Variants in SCRN2 observed in about 807,000 individuals in gnomAD.
The protein encoded by SCRN2 is secernin-2.
Under a neutral mutation model 40.1 loss-of-function variants are expected in SCRN2, and 30 were observed. That is an observed-to-expected ratio of 0.75 (90% CI 0.56 to 1.01). The LOEUF (loss-of-function observed/expected upper bound fraction) is 1.01, where lower values mean the gene tolerates loss of function less well. Among genes scored for constraint, SCRN2 ranks in the 50% least tolerant of loss-of-function variants. The pLI is 0.00. For synonymous variants in SCRN2, 240 were observed against 233.5 expected, an observed-to-expected ratio of 1.03 and a Z score of -0.25; for missense variants, 526 against 564.9, an observed-to-expected ratio of 0.93 and a Z score of 0.70.
intron 3 of SCRN2, chr17:47,839,849 A>G: frequency 1.6e-6 from 1 of 616,738 alleles, no homozygotes; most frequent in Non-Finnish European, 2.8e-6. Flanking sequence ...TGAGGGTTCC[A>G]TGAAAAGGCC....
intron 3 of SCRN2, 129 bp from the exon 4 acceptor site, chr17:47,839,772 GGCACTGATC>G: frequency 1.1e-6 from 1 of 889,810 alleles, no homozygotes. Context: ...CAAATCTGCT[GGCACTGATC>G]GTATCAAATG....
At chr17:47,839,782 G>T in intron 3 of SCRN2, 139 bp from the exon 4 acceptor site, 4 of 791,498 alleles carry the variant, frequency 5.1e-6, no homozygotes, top group Non-Finnish European at 6.2e-6. Context: ...GGCACTGATC[G>T]TATCAAATGC....
chr17:47,838,630 GAGTCCATAC>G lies in SCRN2; in HGVS notation c.830_838del (p.Cys277_Asp279del). 3 of 1,614,064 alleles carry G rather than the reference GAGTCCATAC, an allele frequency of 1.9e-6. No homozygotes were observed. Among genetic ancestry groups the G allele is most frequent in the Non-Finnish European group, 2.5e-6 (3 of 1,180,018 alleles). On this transcript the variant is annotated inframe_deletion, in exon 6 of 8. Transcript: ENST00000290216. ...GCTGGCCGTGGTGCGAAAGCCTCCC[GAGTCCATAC>G]AGATACCACTCTCCTTGTCTCTGAG...
At chr17:47,838,082 C>T (rs1598048309) in intron 7 of SCRN2, 80 bp from the exon 8 acceptor site, 1 of 1,563,172 alleles carries the variant, frequency 6.4e-7, no homozygotes, top group Admixed American at 2.1e-5. Context: ...TACCACCTCA[C>T]ACAAGCAGGA....
In SCRN2 at chr17:47,840,375, G is replaced by A; in HGVS notation, c.175-3C>T. 6.2e-7 allele frequency: 1 copy of A among 1,613,406 alleles called. No homozygotes were observed. Among genetic ancestry groups the A allele is most frequent in the South Asian group, 1.1e-5 (1 of 91,070 alleles). ...TGTTCCACTTCAATGTAGGTGCACT[G>A]GAGGTGAGGGAGGAGAAAGGAAGCG... On this transcript the variant is annotated splice_polypyrimidine_tract_variant and splice_region_variant and intron_variant, in intron 2 of 7. Transcript: ENST00000290216.
intron 2 of SCRN2, 104 bp downstream of exon 2, chr17:47,840,566 C>T: frequency 1.5e-6 from 2 of 1,350,212 alleles, no homozygotes; most frequent in South Asian, 3.0e-5. Flanking sequence ...TCATGCTCTT[C>T]CACTACTTCT....
In SCRN2 at chr17:47,838,773, C is replaced by T. The variant is rs746934691; in HGVS notation, c.772+18G>A. 3 of 1,612,100 alleles carry T rather than the reference C, an allele frequency of 1.9e-6. No individual in the cohort carries two copies. The highest frequency in any genetic ancestry group is 1.7e-6 in the Non-Finnish European group (2 of 1,179,634). ...CTGTGGCCCTCCTGGCCCCCAGCCC[C>T]CTCCACCGTTCACTAACCTTGCCGT... On this transcript the variant is annotated intron_variant, in intron 5 of 7. Coordinates refer to ENST00000290216, the MANE Select transcript of SCRN2 (RefSeq NM_138355.4).
At position 47,839,824 on chromosome 17, in the gene SCRN2, C is replaced by T. The variant is rs146096972; in HGVS notation, c.357-181G>A. 4.1e-4 allele frequency: 266 copies of T among 643,234 alleles called. 4 individuals carry two copies. The East Asian group carries it at 6.1e-3, about 15-fold the overall frequency. The allele number at this position is 643,234 out of a possible 1,614,324, so 39.8% of individuals were successfully genotyped here. ...GCCAGTGGCTTTCAATGCTCTGGTT[C>T]CATGTGCTATGCTTTGAGGGTTCCA... is the stretch of plus-strand genomic sequence containing the variant. On this transcript the variant is annotated intron_variant, in intron 3 of 7. Coordinates refer to ENST00000290216, the MANE Select transcript of SCRN2 (RefSeq NM_138355.4).
At position 47,838,590 on chromosome 17, in the gene SCRN2, C is replaced by T; in HGVS notation, c.879G>A (p.Leu293=). Residue 293 remains leucine, a synonymous_variant, in exon 6 of 8, where the codon CTG becomes CTA. Transcript: ENST00000290216. ...FRTTASMVSV[L]PQDPTQPCVH... Reference sequence around the variant, plus strand: ...CGCAGGGCTGCGTGGGATCCTGGGGCAGGACAGACACCATGCTGGCCGTGG... The same window carrying T: ...CGCAGGGCTGCGTGGGATCCTGGGGTAGGACAGACACCATGCTGGCCGTGG... The T allele has an allele frequency of 6.2e-7, 1 of 1,614,094 alleles. No individual in the cohort carries two copies. Among genetic ancestry groups the T allele is most frequent in the Non-Finnish European group, 8.5e-7 (1 of 1,180,016 alleles).
Position 47,838,665 on chromosome 17 carries a change from G to T in SCRN2, c.804C>A (p.Ile268=). 4.3e-6 allele frequency: 7 copies of T among 1,614,068 alleles called. No homozygotes were observed. The highest frequency in any genetic ancestry group is 5.9e-6 in the Non-Finnish European group (7 of 1,180,010). Residue 268 remains isoleucine, a synonymous_variant, in exon 6 of 8, where the codon ATC becomes ATA. Transcript: ENST00000290216. ...GGITAEVMMG[I]LRDKESGICM... The stretch of plus-strand genomic sequence containing the variant: ...AGATACCACTCTCCTTGTCTCTGAG[G>T]ATGCCCATCATCACCTCTGCCGTGA...
chr17:47,838,061 G>T (rs375106471), intron 7 of SCRN2, 59 bp from the exon 8 acceptor site: 3 of 1,580,686 alleles, frequency 1.9e-6, no homozygotes, highest in Admixed American at 1.9e-5. Context: ...CCAGGTGAAG[G>T]GGGGACTGTG....
In SCRN2 at chr17:47,837,720, G is replaced by A. The variant is rs10428; in HGVS notation, c.*124C>T. Reference sequence around the variant, plus strand: ...AATAAAGCACATTTATTAAGGCAAAGGCCAAGCTGGCCGCTCAGAACATGG... The same window carrying A: ...AATAAAGCACATTTATTAAGGCAAAAGCCAAGCTGGCCGCTCAGAACATGG... On this transcript the variant is annotated 3_prime_UTR_variant, in exon 8 of 8. Transcript: ENST00000290216. 0.15 allele frequency: 174,368 copies of A among 1,198,206 alleles called. 15,701 individuals are homozygous for A. Among genetic ancestry groups the A allele is most frequent in the African/African-American group, 0.42 (26,163 of 62,704 alleles). 74.2% of individuals were successfully genotyped at this position (1,198,206 alleles called of 1,614,324 possible).
intron 7 of SCRN2, 60 bp downstream of exon 7, chr17:47,838,210 C>T: frequency 6.4e-7 from 1 of 1,567,244 alleles, no homozygotes; most frequent in Non-Finnish European, 8.6e-7. Context: ...TCCAGAGTCC[C>T]ACTGGGAGTG....
At position 47,839,572 on chromosome 17, in the gene SCRN2, C is replaced by T; in HGVS notation, c.428G>A (p.Gly143Glu). The T allele has an allele frequency of 8.1e-6, 13 of 1,614,086 alleles. No individual in the cohort carries two copies. The highest frequency in any genetic ancestry group is 8.0e-5 in the African/African-American group (6 of 75,066). ...HVITGLLEHYGQGGNCLEDAA... is the reference protein window; with the variant it reads ...HVITGLLEHYEQGGNCLEDAA... ...ATCCTCCAGGCAGTTGCCCCCCTGC[C>T]CATAGTGCTCCAGTAACCCTGTGAT... The change falls in exon 4 of 8, where the codon GGG becomes GAG. Residue 143 changes from glycine (G) to glutamate (E), a missense_variant. Gly to Glu is a moderately conservative substitution (Grantham distance 98). Coordinates refer to ENST00000290216, the MANE Select transcript of SCRN2 (RefSeq NM_138355.4).
intron 2 of SCRN2, 58 bp downstream of exon 2, chr17:47,840,612 T>A: frequency 6.6e-7 from 1 of 1,519,880 alleles, no homozygotes; most frequent in Non-Finnish European, 8.8e-7. Context: ...GGGAAGAAGG[T>A]CTTAAAAGAA....
Position 47,838,422 on chromosome 17 carries a change from T to C in SCRN2, c.967A>G (p.Met323Val), listed in dbSNP as rs7350974. ...ACCTGGGGGGCCTGGGCCACCCCCA[T>C]CCCGAAGATGAAAGGTTTGAACACA... is the stretch of plus-strand genomic sequence containing the variant. ...RSVFKPFIFG[M>V]GVAQAPQVLS... Residue 323 changes from methionine (M) to valine (V), a missense_variant, in exon 7 of 8, where the codon ATG (methionine) becomes GTG (valine). Coordinates refer to ENST00000290216, the MANE Select transcript of SCRN2 (RefSeq NM_138355.4). The C allele has an allele frequency of 0.98, 1,578,887 of 1,612,248 alleles. 773,483 individuals are homozygous for C. Among genetic ancestry groups the C allele is most frequent in the East Asian group, 1 (44,758 of 44,826 alleles).
chr17:47,838,639 C>G lies in SCRN2; in HGVS notation c.830G>C (p.Cys277Ser), dbSNP rs2033752003. The change falls in exon 6 of 8, where the codon TGT (cysteine) becomes TCT (serine). Residue 277 changes from cysteine (C) to serine (S), a missense_variant. By Grantham distance (112) the Cys-to-Ser change is moderately radical. Coordinates refer to ENST00000290216, the MANE Select transcript of SCRN2 (RefSeq NM_138355.4). ...GILRDKESGI[C>S]MDSGGFRTTA... ...GGTGCGAAAGCCTCCCGAGTCCATACAGATACCACTCTCCTTGTCTCTGAG... is the reference window on the plus strand; with the variant it reads ...GGTGCGAAAGCCTCCCGAGTCCATAGAGATACCACTCTCCTTGTCTCTGAG... The G allele has an allele frequency of 6.2e-7, 1 of 1,614,094 alleles. No homozygotes were observed. Among genetic ancestry groups the G allele is most frequent in the Non-Finnish European group, 8.5e-7 (1 of 1,180,020 alleles).
At chr17:47,841,048 C>CGGGGGTCCCGCCCCCACT in intron 1 of SCRN2, 160 bp downstream of exon 1, 2 of 427,864 alleles carry the variant, frequency 4.7e-6, no homozygotes, top group Non-Finnish European at 8.1e-6. Flanking sequence ...GCGGGCACTC[C>CGGGGGTCCCGCCCCCACT]GGGGGTCCCG....
chr17:47,838,142 G>C (rs2033731355), intron 7 of SCRN2, 128 bp downstream of exon 7: 1 of 1,521,506 alleles, frequency 6.6e-7, no homozygotes, highest in African/African-American at 1.4e-5. Context: ...TGGCTTTGAA[G>C]GGAGGAACTC....
Sources: gnomAD v4.1 joint callset for allele counts on GRCh38, gnomAD v4.1.1 for gene constraint, MANE v1.5 for transcripts, NCBI Gene and HGNC (gene_info 2026-07-23, HGNC 2026-07-21) for gene names.